Variants in AAMDC observed in about 807,000 individuals in gnomAD.
AAMDC encodes the protein mth938 domain-containing protein.
AAMDC carries 16 observed loss-of-function variants against 15.5 expected under a neutral mutation model. The ratio of observed to expected loss-of-function variants is 1.03; its 90% confidence interval spans 0.70 to 1.57. AAMDC has a LOEUF of 1.57. AAMDC is among the 40% of genes most tolerant of loss of function. The pLI, the probability that AAMDC is intolerant of heterozygous loss-of-function variation, is 0.00. For synonymous variants in AAMDC, 51 were observed against 51.6 expected (o/e 0.99, Z 0.05); for missense variants, 141 against 144.9 (o/e 0.97, Z 0.14).
downstream of AAMDC, chr11:77,872,355 C>A (rs752803733): frequency 1.3e-6 from 2 of 1,572,146 alleles, no homozygotes; most frequent in South Asian, 2.4e-5. Flanking sequence ...AGTGCCTATG[C>A]CTGTGACTGT....
At chr11:77,878,440 G>C (rs1315912416) in intron 5 of AAMDC, among the ~76,000 whole-genome samples, 2 of 152,032 alleles carry the variant, frequency 1.3e-5, no homozygotes, top group Non-Finnish European at 2.9e-5. Context: ...GCTACTGCCT[G>C]CATTAGGGAA....
intron 5 of AAMDC, among the ~76,000 whole-genome samples, chr11:77,892,148 T>C (rs570817094): frequency 1.3e-5 from 2 of 152,356 alleles, no homozygotes; most frequent in East Asian, 3.9e-4. Flanking sequence ...GATTCATTAA[T>C]TATTTTAACA....
chr11:77,851,707 A>G (rs1473717875), intron 2 of AAMDC, among the ~76,000 whole-genome samples: 1 of 152,060 alleles, frequency 6.6e-6, no homozygotes, highest in Non-Finnish European at 1.5e-5. Flanking sequence ...CTTTCATCAT[A>G]TGACATGCCT....
intron 2 of AAMDC, among the ~76,000 whole-genome samples, chr11:77,862,173 A>G (rs986542188): frequency 6.6e-5 from 10 of 152,138 alleles, no homozygotes. Context: ...GAGGGTCTAC[A>G]CTGGGAACTG....
chr11:77,823,369 AT>A (rs1949020222), intron 1 of AAMDC, among the ~76,000 whole-genome samples: 3 of 152,072 alleles, frequency 2.0e-5, no homozygotes, highest in Non-Finnish European at 4.4e-5. Flanking sequence ...AAACTAAAAC[AT>A]TTTTATAGAA....
At chr11:77,848,547 G>C (rs979199880) in intron 2 of AAMDC, among the ~76,000 whole-genome samples, 6 of 151,972 alleles carry the variant, frequency 3.9e-5, no homozygotes, top group African/African-American at 1.4e-4. Context: ...TTCAGTAGAG[G>C]TGGGGTTTCA....
chr11:77,842,620 G>A lies in AAMDC; in HGVS notation c.124G>A (p.Gly42Arg), dbSNP rs747477816. Residue 42 changes from glycine to arginine, a missense_variant, in exon 2 of 4, where the codon GGA becomes AGA. Transcript: ENST00000393427. ...TCGGACTTGGGATTGGAGAGAAACAGGAACTGAGGTAAGATATTAGTCTTT... is the reference window on the plus strand; with the variant it reads ...TCGGACTTGGGATTGGAGAGAAACAAGAACTGAGGTAAGATATTAGTCTTT... Reference protein sequence around the residue: ...GSRTWDWRETGTEHSPGVQPA... With the variant: ...GSRTWDWRETRTEHSPGVQPA... The A allele has an allele frequency of 3.1e-6, 5 of 1,613,790 alleles. No homozygotes were observed. The South Asian group carries it at 5.5e-5, about 18-fold the overall frequency.
chr11:77,833,016 T>TTTA (rs1949523250), intron 1 of AAMDC, among the ~76,000 whole-genome samples: 1 of 134,316 alleles, frequency 7.4e-6, no homozygotes, highest in African/African-American at 2.8e-5. Flanking sequence ...TATATTTTTT[T>TTTA]TTTTTTTTTT....
At chr11:77,849,849 T>C (rs1950299902) in intron 2 of AAMDC, among the ~76,000 whole-genome samples, 1 of 152,226 alleles carries the variant, frequency 6.6e-6, no homozygotes, top group South Asian at 2.1e-4. Flanking sequence ...GGCTTTTGCA[T>C]TATCTCCTCT....
intron 5 of AAMDC, among the ~76,000 whole-genome samples, chr11:77,890,622 C>T (rs1025142842): frequency 1.3e-5 from 2 of 152,092 alleles, no homozygotes; most frequent in Non-Finnish European, 2.9e-5. Context: ...ATTGCCTGCC[C>T]ATTTGTATGT....
intron 1 of AAMDC, among the ~76,000 whole-genome samples, chr11:77,827,973 C>T (rs1413905852): frequency 6.6e-6 from 1 of 152,062 alleles, no homozygotes; most frequent in Non-Finnish European, 1.5e-5. Context: ...TAGCAATGAA[C>T]AATCCAAAAA....
intron 2 of AAMDC, among the ~76,000 whole-genome samples, chr11:77,859,805 G>A (rs555214884): frequency 3.3e-5 from 5 of 152,354 alleles, no homozygotes; most frequent in South Asian, 4.1e-4. Context: ...TGGAAGAAAT[G>A]TGGCTGGGTT....
At chr11:77,834,516 G>A (rs1555007288) in intron 1 of AAMDC, among the ~76,000 whole-genome samples, 1 of 138,046 alleles carries the variant, frequency 7.2e-6, no homozygotes, top group Non-Finnish European at 1.5e-5. Context: ...CCAGGTTCAA[G>A]TGATTCTCCT....
At chr11:77,878,657 C>T (rs1473055194) in intron 5 of AAMDC, 9 of 646,646 alleles carry the variant, frequency 1.4e-5, no homozygotes, top group Non-Finnish European at 1.9e-5. Flanking sequence ...CATGTAAGCA[C>T]GTAGTATAAA....
intron 5 of AAMDC, among the ~76,000 whole-genome samples, chr11:77,899,674 G>GA (rs1209388666): frequency 6.2e-4 from 86 of 137,756 alleles, no homozygotes; most frequent in African/African-American, 2.1e-3. Flanking sequence ...TTGTCTAAAA[G>GA]AAAAAAAAAA....
chr11:77,892,863 G>A (rs1250646475), intron 5 of AAMDC, among the ~76,000 whole-genome samples: 2 of 152,188 alleles, frequency 1.3e-5, no homozygotes, highest in South Asian at 2.1e-4. Context: ...GATTACAGGC[G>A]TGAGCCACCG....
intron 5 of AAMDC, among the ~76,000 whole-genome samples, chr11:77,892,884 CA>C (rs986892302): frequency 6.6e-6 from 1 of 152,142 alleles, no homozygotes. Context: ...TGCCCAGCCT[CA>C]AAACTAGGAT....
chr11:77,885,353 A>G (rs1034343504), intron 5 of AAMDC, among the ~76,000 whole-genome samples: 2 of 152,038 alleles, frequency 1.3e-5, no homozygotes, highest in African/African-American at 4.8e-5. Context: ...TTGGGATTAC[A>G]GGCGTGAGCC....
chr11:77,878,688 G>C (rs773860455), intron 5 of AAMDC: 4 of 682,054 alleles, frequency 5.9e-6, no homozygotes, highest in African/African-American at 5.4e-5. Context: ...ATAGCCACAC[G>C]CATTTCTTTA....
Sources: allele counts gnomAD v4.1 joint callset (sites outside exome capture counted in the v4.1 genomes callset), GRCh38; gene constraint gnomAD v4.1.1; transcripts MANE v1.5; gene names NCBI Gene and HGNC (gene_info 2026-07-23, HGNC 2026-07-21).